Variants in CASK observed in about 807,000 individuals in gnomAD.
CASK encodes calcium/calmodulin dependent serine protein kinase.
A neutral mutation model predicts 82.9 loss-of-function variants in CASK; 4 were observed. The ratio of observed to expected loss-of-function variants is 0.05; its 90% CI spans 0.02 to 0.11. The LOEUF (loss-of-function observed/expected upper bound fraction) is 0.11, where lower values mean the gene tolerates loss of function less well. Ranked by LOEUF, CASK falls within the 10% of genes least tolerant of loss-of-function variation. The pLI is 1.00. For synonymous variants in CASK, 259 were observed against 253.5 expected, an observed-to-expected ratio of 1.02 and a Z score of -0.20; for missense variants, 358 against 720.9, an observed-to-expected ratio of 0.50 and a Z score of 5.76.
chrX:41,667,525 G>C (rs1443602433), intron 6 of CASK, among the ~76,000 whole-genome samples: 1 of 111,767 alleles, frequency 8.9e-6, no homozygotes, highest in Non-Finnish European at 1.9e-5. Context: ...ATCTCAGGGG[G>C]AGAATTGTTC....
At chrX:41,781,670 G>A (rs910853172) in intron 3 of CASK, among the ~76,000 whole-genome samples, 2 of 111,490 alleles carry the variant, frequency 1.8e-5, no homozygotes, top group African/African-American at 6.5e-5. Flanking sequence ...AGCTATAGAA[G>A]CAATCTCTCA....
chrX:41,869,812 CAAAAAA>C (rs72190097), intron 1 of CASK, among the ~76,000 whole-genome samples: 79 of 12,120 alleles, frequency 6.5e-3, no homozygotes, highest in Middle Eastern at 0.11. Context: ...GACTCTGTCT[CAAAAAA>C]AAAAAAAAAA....
chrX:41,640,621 T>C (rs1440099316), intron 8 of CASK, among the ~76,000 whole-genome samples: 14 of 112,215 alleles, frequency 1.2e-4, no homozygotes, highest in Non-Finnish European at 2.6e-4. Flanking sequence ...TAATGACTAA[T>C]GATGAACATC....
intron 3 of CASK, among the ~76,000 whole-genome samples, chrX:41,754,647 A>G (rs1158314907): frequency 9.0e-6 from 1 of 111,647 alleles, no homozygotes; most frequent in Non-Finnish European, 1.9e-5. Context: ...AGTATTAACA[A>G]TGAAGGAGAT....
chrX:41,554,109 T>C (rs896792265), intron 20 of CASK, among the ~76,000 whole-genome samples, 194 bp from the exon 21 acceptor site: 1 of 112,588 alleles, frequency 8.9e-6, no homozygotes, highest in Admixed American at 9.5e-5. Flanking sequence ...TTGATGAGTA[T>C]AGCTTCAAAA....
chrX:41,617,647 C>A (rs1227984026), intron 11 of CASK, among the ~76,000 whole-genome samples: 2 of 111,630 alleles, frequency 1.8e-5, no homozygotes, highest in African/African-American at 3.3e-5. Flanking sequence ...TAATTGATAT[C>A]TGTAGTTCAG....
At chrX:41,656,406 T>C (rs969690954) in intron 8 of CASK, among the ~76,000 whole-genome samples, 1 of 111,188 alleles carries the variant, frequency 9.0e-6, no homozygotes, top group Non-Finnish European at 1.9e-5. Flanking sequence ...CGGTGGAAGA[T>C]GTGAATGATG....
At chrX:41,559,465 T>C in intron 18 of CASK, 1 of 277,457 alleles carries the variant, frequency 3.6e-6, no homozygotes, top group Admixed American at 5.1e-5. Flanking sequence ...ACTGCAATTA[T>C]GGCCTTTAGT....
intron 2 of CASK, among the ~76,000 whole-genome samples, chrX:41,825,081 T>G (rs1006988870): frequency 1.7e-4 from 19 of 111,946 alleles, no homozygotes; most frequent in African/African-American, 5.8e-4. Flanking sequence ...AGAGTATTTT[T>G]GGGTTTTTTG....
chrX:41,916,902 T>C (rs1421112399), intron 1 of CASK, among the ~76,000 whole-genome samples: 1 of 111,969 alleles, frequency 8.9e-6, no homozygotes, highest in Non-Finnish European at 1.9e-5. Context: ...AAATTATATT[T>C]TGGACAGATG....
intron 12 of CASK, among the ~76,000 whole-genome samples, chrX:41,603,586 TAA>T (rs2065921128): frequency 8.9e-6 from 1 of 112,533 alleles, no homozygotes; most frequent in Non-Finnish European, 1.9e-5. Context: ...ATTAATATTA[TAA>T]AGACTCCTAA....
At chrX:41,668,804 G>T (rs891941843) in intron 6 of CASK, among the ~76,000 whole-genome samples, 1 of 109,589 alleles carries the variant, frequency 9.1e-6, no homozygotes, top group Non-Finnish European at 1.9e-5. Flanking sequence ...GCAGTGGTGC[G>T]ATCTCAGCTC....
At chrX:41,593,675 T>C (rs2065778192) in intron 12 of CASK, among the ~76,000 whole-genome samples, 1 of 111,967 alleles carries the variant, frequency 8.9e-6, no homozygotes, top group Non-Finnish European at 1.9e-5. Flanking sequence ...TCAACCTTCA[T>C]TTCCCCCACC....
intron 5 of CASK, among the ~76,000 whole-genome samples, chrX:41,725,529 GA>G (rs2068245746): frequency 9.0e-6 from 1 of 111,498 alleles, no homozygotes; most frequent in African/African-American, 3.3e-5. Flanking sequence ...AGGCTATGGT[GA>G]AGAACACAGA....
At chrX:41,614,130 A>T (rs2066154807) in intron 11 of CASK, among the ~76,000 whole-genome samples, 1 of 111,869 alleles carries the variant, frequency 8.9e-6, no homozygotes, top group Non-Finnish European at 1.9e-5. Context: ...ATTGACATTG[A>T]TACAGTCGAG....
At chrX:41,648,691 G>A (rs935062895) in intron 8 of CASK, among the ~76,000 whole-genome samples, 10 of 111,739 alleles carry the variant, frequency 8.9e-5, no homozygotes, top group East Asian at 2.8e-4. Flanking sequence ...CAAGTCCCCC[G>A]ATAGATATTG....
intron 3 of CASK, among the ~76,000 whole-genome samples, chrX:41,784,936 C>T (rs957588071): frequency 1.1e-4 from 12 of 108,109 alleles, no homozygotes; most frequent in African/African-American, 4.0e-4. Context: ...ATTATATTCT[C>T]ACAATAAAAG....
intron 8 of CASK, among the ~76,000 whole-genome samples, chrX:41,640,163 T>G (rs752370201): frequency 2.7e-5 from 3 of 111,525 alleles, no homozygotes; most frequent in African/African-American, 9.8e-5. Context: ...CCAAAGTGGT[T>G]ATACCATTTT....
At chrX:41,846,774 A>C (rs899957541) in intron 2 of CASK, among the ~76,000 whole-genome samples, 5 of 111,938 alleles carry the variant, frequency 4.5e-5, no homozygotes, top group Non-Finnish European at 9.4e-5. Flanking sequence ...TTTTAGCATA[A>C]ATAACTACGT....
Sources: allele counts gnomAD v4.1 joint callset (sites outside exome capture counted in the v4.1 genomes callset), GRCh38; gene constraint gnomAD v4.1.1; transcripts MANE v1.5; gene names NCBI Gene and HGNC (gene_info 2026-07-23, HGNC 2026-07-21).